FAM227B: variants seen among roughly 807,000 people sequenced by gnomAD.
The protein encoded by FAM227B is family with sequence similarity 227 member B, also known as protein FAM227B.
In FAM227B, 88 loss-of-function variants were observed where a neutral mutation model predicts 73.8. That is an observed-to-expected ratio of 1.19 (90% CI 1.00 to 1.42). The LOEUF (loss-of-function observed/expected upper bound fraction) is 1.42, where lower values mean the gene tolerates loss of function less well. Ranked by LOEUF, FAM227B falls within the 40% of genes most tolerant of loss-of-function variation. FAM227B has a pLI of 0.00. For synonymous variants in FAM227B, 210 were observed against 190.5 expected (o/e 1.10, Z -0.84); for missense variants, 632 against 590.9 (o/e 1.07, Z -0.72).
intron 9 of FAM227B, among the ~76,000 whole-genome samples, chr15:49,562,569 G>A (rs561453657): frequency 6.6e-6 from 1 of 151,658 alleles, no homozygotes; most frequent in South Asian, 2.1e-4. Context: ...TGTAGGCCAA[G>A]ATCCCTGATG....
At chr15:49,574,879 T>C (rs1663975364) in intron 8 of FAM227B, 132 bp downstream of exon 8, 10 of 507,218 alleles carry the variant, frequency 2.0e-5, no homozygotes, top group Non-Finnish European at 3.5e-5. Flanking sequence ...GGATTTCTAA[T>C]GTGTGGAATG....
At chr15:49,512,207 G>A (rs1321546514) in intron 10 of FAM227B, among the ~76,000 whole-genome samples, 1 of 152,052 alleles carries the variant, frequency 6.6e-6, no homozygotes, top group Non-Finnish European at 1.5e-5. Flanking sequence ...TTCAATGAAT[G>A]ATTCCATATG....
At chr15:49,381,132 G>A (rs1567184147) in intron 11 of FAM227B, among the ~76,000 whole-genome samples, 1 of 152,210 alleles carries the variant, frequency 6.6e-6, no homozygotes, top group East Asian at 1.9e-4. Flanking sequence ...CAGAGCAACA[G>A]CTCACTCATC....
chr15:49,565,251 G>A (rs1159670631), intron 9 of FAM227B, among the ~76,000 whole-genome samples: 1 of 151,734 alleles, frequency 6.6e-6, no homozygotes, highest in Admixed American at 6.6e-5. Flanking sequence ...GGGTGGTGAT[G>A]GGCACCTATA....
intron 11 of FAM227B, among the ~76,000 whole-genome samples, chr15:49,415,675 A>G (rs1182300935): frequency 2.6e-5 from 4 of 152,148 alleles, no homozygotes; most frequent in African/African-American, 9.7e-5. Flanking sequence ...TAAAGCATAA[A>G]TTTTTATAGA....
At chr15:49,374,807 G>T (rs2046054353) in intron 11 of FAM227B, among the ~76,000 whole-genome samples, 1 of 152,214 alleles carries the variant, frequency 6.6e-6, no homozygotes, top group Non-Finnish European at 1.5e-5. Flanking sequence ...GCTTCCCAAA[G>T]TGGTAGGATT....
chr15:49,538,338 G>C (rs916988419), intron 10 of FAM227B, among the ~76,000 whole-genome samples: 2 of 152,132 alleles, frequency 1.3e-5, no homozygotes, highest in African/African-American at 2.4e-5. Flanking sequence ...TGATTCCCTG[G>C]AACCTGGAGC....
intron 15 of FAM227B, chr15:49,329,009 T>A (rs965373954): frequency 2.0e-4 from 201 of 1,003,830 alleles, no homozygotes; most frequent in Non-Finnish European, 2.3e-4. Flanking sequence ...TAGAATTACT[T>A]TCTTATCACT....
At chr15:49,578,266 A>G (rs889238963) in intron 5 of FAM227B, among the ~76,000 whole-genome samples, 6 of 152,200 alleles carry the variant, frequency 3.9e-5, no homozygotes, top group South Asian at 2.1e-4. Context: ...AAGTAAACCA[A>G]TGAAGGGGCT....
At chr15:49,408,533 T>C (rs1171274268) in intron 11 of FAM227B, among the ~76,000 whole-genome samples, 1 of 152,212 alleles carries the variant, frequency 6.6e-6, no homozygotes, top group Non-Finnish European at 1.5e-5. Context: ...GGAATTCGTT[T>C]TGAAGTGAAG....
At position 49,387,068 on chromosome 15, in the gene FAM227B, C is replaced by A. The variant is rs371835613; in HGVS notation, c.1013-15669G>T. Among the ~76,000 whole-genome samples the A allele has an allele frequency of 4.6e-5, 7 of 151,656 alleles. No homozygotes were observed. In the East Asian group the frequency reaches 1.2e-3, roughly 25 times the overall value. On this transcript the variant is annotated intron_variant, in intron 11 of 15. Coordinates refer to ENST00000299338, the MANE Select transcript of FAM227B (RefSeq NM_152647.3). ...TCACACCTGAATTCTATCAGACATT[C>A]AAAGAATTGGTACTAATCCTACTGA...
chr15:49,498,542 G>C (rs1185352819), intron 11 of FAM227B, among the ~76,000 whole-genome samples: 1 of 152,214 alleles, frequency 6.6e-6, no homozygotes, highest in Non-Finnish European at 1.5e-5. Flanking sequence ...TGCTCCCACA[G>C]CTTAGACCAT....
chr15:49,471,045 T>C (rs749467079), intron 11 of FAM227B, among the ~76,000 whole-genome samples: 1 of 152,196 alleles, frequency 6.6e-6, no homozygotes, highest in Non-Finnish European at 1.5e-5. Flanking sequence ...GATGTGAAAG[T>C]GAAAAGTCTT....
intron 10 of FAM227B, among the ~76,000 whole-genome samples, chr15:49,534,915 A>T (rs1039540557): frequency 6.6e-6 from 1 of 151,784 alleles, no homozygotes; most frequent in African/African-American, 2.4e-5. Flanking sequence ...AACATGACAT[A>T]CTAAAACCTG....
chr15:49,559,389 C>A (rs2074047249), intron 9 of FAM227B, among the ~76,000 whole-genome samples: 2 of 152,096 alleles, frequency 1.3e-5, no homozygotes, highest in African/African-American at 4.8e-5. Context: ...AATGTCCAGT[C>A]CTTCACTTGA....
chr15:49,576,948 C>T, intron 6 of FAM227B, 103 bp from the exon 7 acceptor site: 2 of 620,018 alleles, frequency 3.2e-6, no homozygotes, highest in Non-Finnish European at 5.6e-6. Context: ...CACTCACTAA[C>T]ATAATTACTT....
chr15:49,529,766 T>C (rs79916480), intron 10 of FAM227B, among the ~76,000 whole-genome samples: 27,103 of 151,544 alleles, frequency 0.18, 3,125 homozygotes, highest in Non-Finnish European at 0.25. Flanking sequence ...CCTTCCCAGT[T>C]TCTTCTCTCA....
Position 49,541,751 on chromosome 15 carries a change from G to T in FAM227B, c.803C>A (p.Pro268Gln). The T allele has an allele frequency of 6.5e-7, 1 of 1,541,990 alleles. No homozygotes were observed. The highest frequency in any genetic ancestry group is 1.3e-5 in the South Asian group (1 of 76,588). ...AIYATFHEAF[P>Q]ESSYLFNDEF... is the part of the protein sequence containing the mutation. ...ATCATTAAAGAGGTAACTCGATTCT[G>T]GAAATGCTTCATGGAACGTTGCATA... Residue 268 changes from proline to glutamine, a missense_variant, in exon 10 of 16, where the codon CCA becomes CAA. Physicochemically the swap from Pro to Gln is moderately conservative, Grantham distance 76. Transcript: ENST00000299338.
intron 3 of FAM227B, among the ~76,000 whole-genome samples, chr15:49,606,994 C>G (rs1009236395): frequency 6.6e-6 from 1 of 152,078 alleles, no homozygotes; most frequent in African/African-American, 2.4e-5. Context: ...TGGTGGGAGA[C>G]TTGTGTAGGA....
Sources: gnomAD v4.1 joint callset for allele counts (sites outside exome capture counted in the v4.1 genomes callset) on GRCh38, gnomAD v4.1.1 for gene constraint, MANE v1.5 for transcripts, NCBI Gene and HGNC (gene_info 2026-07-23, HGNC 2026-07-21) for gene names.